MYO3A: variants seen among roughly 807,000 people sequenced by gnomAD.
MYO3A encodes myosin-IIIa.
Under a neutral mutation model 192.7 loss-of-function variants are expected in MYO3A, and 180 were observed. That is an observed-to-expected ratio of 0.93 (90% CI 0.83 to 1.06). The LOEUF (loss-of-function observed/expected upper bound fraction) is 1.06. Among genes scored for constraint, MYO3A ranks in the 50% least tolerant of loss-of-function variants. The pLI, the probability that MYO3A is intolerant of heterozygous loss-of-function variation, is 0.00. For missense variants in MYO3A, 1,896 were observed against 1,905.0 expected, an observed-to-expected ratio of 1.00 and a Z score of 0.09; for synonymous variants, 628 against 645.3, an observed-to-expected ratio of 0.97 and a Z score of 0.41.
chr10:26,116,810 C>A (rs1838532964), intron 17 of MYO3A, among the ~76,000 whole-genome samples: 2 of 152,048 alleles, frequency 1.3e-5, no homozygotes, highest in African/African-American at 4.8e-5. Flanking sequence ...TTAGCAGCAC[C>A]CTTGATCCCT....
chr10:26,017,119 C>T (rs1277318086), intron 7 of MYO3A, among the ~76,000 whole-genome samples: 2 of 152,098 alleles, frequency 1.3e-5, no homozygotes, highest in African/African-American at 4.8e-5. Flanking sequence ...ATGAGTAAAC[C>T]AGATGATGTA....
chr10:26,076,408 A>G (rs187145042), intron 14 of MYO3A, among the ~76,000 whole-genome samples: 1 of 152,122 alleles, frequency 6.6e-6, no homozygotes, highest in Non-Finnish European at 1.5e-5. Flanking sequence ...GTCCTTTGTC[A>G]GATGTATAGA....
chr10:25,965,703 G>T (rs565213005), intron 4 of MYO3A, among the ~76,000 whole-genome samples: 65 of 152,212 alleles, frequency 4.3e-4, no homozygotes, highest in African/African-American at 1.5e-3. Context: ...AGCGAGGTTT[G>T]CAGGCACTCA....
At chr10:26,187,398 C>T (rs1842915857) in intron 31 of MYO3A, among the ~76,000 whole-genome samples, 1 of 152,130 alleles carries the variant, frequency 6.6e-6, no homozygotes, top group Non-Finnish European at 1.5e-5. Flanking sequence ...AGTTCAAGAT[C>T]AAGGTGTCAG....
chr10:26,071,763 T>C (rs1007371264), intron 14 of MYO3A, among the ~76,000 whole-genome samples: 1 of 152,170 alleles, frequency 6.6e-6, no homozygotes, highest in African/African-American at 2.4e-5. Context: ...AAATGAAAAG[T>C]TGCTCAACAT....
At chr10:25,960,820 A>G (rs1249224198) in intron 4 of MYO3A, among the ~76,000 whole-genome samples, 1 of 152,134 alleles carries the variant, frequency 6.6e-6, no homozygotes, top group Non-Finnish European at 1.5e-5. Flanking sequence ...GAAAATTAAC[A>G]TGTAAGTGGA....
In MYO3A at chr10:26,128,417, G is replaced by A; in HGVS notation, c.2141G>A (p.Gly714Asp). ...GGGAATGGTGATGAGCTGAGCATTG[G>A]CATTCTTGATATATTTGGCTTTGAA... ...PSGNGDELSI[G>D]ILDIFGFENF... Residue 714 changes from glycine (G) to aspartate (D), a missense_variant, in exon 20 of 35, where the codon GGC becomes GAC. Gly to Asp is a moderately conservative substitution (Grantham distance 94, BLOSUM62 -1). Transcript: ENST00000642920. 6.2e-7 allele frequency: 1 copy of A among 1,613,002 alleles called. No individual in the cohort carries two copies.
intron 21 of MYO3A, 62 bp downstream of exon 21, chr10:26,143,663 A>G: frequency 6.3e-7 from 1 of 1,579,302 alleles, no homozygotes; most frequent in Non-Finnish European, 8.7e-7. Flanking sequence ...ATTCTGAATG[A>G]TTTTTTAAAT....
intron 31 of MYO3A, among the ~76,000 whole-genome samples, chr10:26,183,896 C>A (rs186816844): frequency 6.6e-6 from 1 of 152,222 alleles, no homozygotes; most frequent in Non-Finnish European, 1.5e-5. Flanking sequence ...CAGAGATATC[C>A]CAGAGTAGAC....
chr10:25,985,237 CAAAAAA>C (rs1157598256), intron 4 of MYO3A, among the ~76,000 whole-genome samples: 1 of 79,846 alleles, frequency 1.3e-5, no homozygotes, highest in Non-Finnish European at 2.5e-5. Flanking sequence ...GACTCTGTCT[CAAAAAA>C]AAAAAAAAAA....
intron 31 of MYO3A, among the ~76,000 whole-genome samples, chr10:26,180,577 G>C (rs1589091299): frequency 6.6e-6 from 1 of 152,026 alleles, no homozygotes; most frequent in African/African-American, 2.4e-5. Context: ...TGGGATTGTA[G>C]GACTATTAGC....
At chr10:26,204,433 C>G (rs972137073) in intron 34 of MYO3A, 1 of 152,226 alleles carries the variant, frequency 6.6e-6, no homozygotes, top group Admixed American at 6.5e-5. Flanking sequence ...CTGAAATACT[C>G]CTGATGTAGA....
At chr10:25,996,401 A>C in intron 4 of MYO3A, 89 bp from the exon 5 acceptor site, 4 of 1,022,830 alleles carry the variant, frequency 3.9e-6, no homozygotes, top group Non-Finnish European at 6.1e-6. Flanking sequence ...ACATTGGAAC[A>C]CTTTTAAAAA....
chr10:26,006,569 A>G (rs1841224346), intron 6 of MYO3A, among the ~76,000 whole-genome samples: 1 of 152,220 alleles, frequency 6.6e-6, no homozygotes, highest in Non-Finnish European at 1.5e-5. Flanking sequence ...ATCCCACAGA[A>G]ATACAAACTA....
At chr10:26,187,432 T>C (rs1250582012) in intron 31 of MYO3A, among the ~76,000 whole-genome samples, 2 of 152,136 alleles carry the variant, frequency 1.3e-5, no homozygotes, top group Admixed American at 1.3e-4. Flanking sequence ...CTCTGAGGCC[T>C]TTTTCCTTGC....
At chr10:26,176,457 C>A (rs1251340027) in intron 30 of MYO3A, among the ~76,000 whole-genome samples, 3 of 152,154 alleles carry the variant, frequency 2.0e-5, no homozygotes, top group Non-Finnish European at 4.4e-5. Flanking sequence ...CAGAATTCTG[C>A]ATGTAGCATG....
At position 26,128,313 on chromosome 10, in the gene MYO3A, A is replaced by G; in HGVS notation, c.2115-78A>G. 2.0e-6 allele frequency: 3 copies of G among 1,467,696 alleles called. No individual in the cohort carries two copies. The South Asian group carries it at 3.4e-5, about 17-fold the overall frequency. The allele number at this position is 1,467,696 out of a possible 1,614,324, so 90.9% of individuals were successfully genotyped here. On this transcript the variant is annotated intron_variant, in intron 19 of 34. Coordinates refer to ENST00000642920, the MANE Select transcript of MYO3A (RefSeq NM_017433.5). ...TAGTAGTTTCTTAGCTCAGTCACAA[A>G]TGGTAACTCTAAGATTCCCTGTTTT...
intron 7 of MYO3A, among the ~76,000 whole-genome samples, chr10:26,020,688 T>C (rs1365905106): frequency 6.6e-6 from 1 of 152,260 alleles, no homozygotes; most frequent in South Asian, 2.1e-4. Flanking sequence ...TTCCTTTTTG[T>C]GTTTATTGAT....
At chr10:26,102,002 G>T (rs936715155) in intron 17 of MYO3A, among the ~76,000 whole-genome samples, 2 of 152,092 alleles carry the variant, frequency 1.3e-5, no homozygotes, top group African/African-American at 4.8e-5. Context: ...TTTCCAACTT[G>T]GTTCCATTGT....
Sources: allele counts gnomAD v4.1 joint callset (sites outside exome capture counted in the v4.1 genomes callset), GRCh38; gene constraint gnomAD v4.1.1; transcripts MANE v1.5; gene names NCBI Gene and HGNC (gene_info 2026-07-23, HGNC 2026-07-21).